Variants in F5 observed in about 807,000 individuals in gnomAD.
F5 encodes the protein activated protein c cofactor.
In F5, 138 loss-of-function variants were observed where a neutral mutation model predicts 216.4. The ratio of observed to expected loss-of-function variants is 0.64; its 90% CI spans 0.56 to 0.73. F5 has a LOEUF of 0.73. F5 is among the 30% of genes least tolerant of loss of function. The probability of loss-of-function intolerance (pLI) is 0.00; values close to 1 mark genes in which losing one functional copy is unlikely to be tolerated. For synonymous variants in F5, 916 were observed against 930.7 expected, an observed-to-expected ratio of 0.98 and a Z score of 0.29; for missense variants, 2,403 against 2,674.0, an observed-to-expected ratio of 0.90 and a Z score of 2.24.
chr1:169,532,346 A>G (rs555268424), intron 14 of F5, among the ~76,000 whole-genome samples: 1 of 152,292 alleles, frequency 6.6e-6, no homozygotes, highest in African/African-American at 2.4e-5. Flanking sequence ...AATTCTAGTC[A>G]CAGCAATCAA....
intron 21 of F5, 37 bp downstream of exon 21, chr1:169,523,160 A>G: frequency 1.9e-6 from 3 of 1,610,580 alleles, no homozygotes; most frequent in Non-Finnish European, 2.5e-6. Context: ...GGCCAAGTCT[A>G]GAGTCTAGAG....
chr1:169,530,732 A>T, intron 15 of F5, 54 bp downstream of exon 15: 1 of 1,464,576 alleles, frequency 6.8e-7, no homozygotes, highest in Admixed American at 1.7e-5. Context: ...CATTTGGTGG[A>T]CTTCAGATTA....
rs1183544316 is a variant in F5 at position 169,573,033 on chromosome 1, C to T, written c.251-690G>A. 1.5e-4 allele frequency among the ~76,000 whole-genome samples: 23 copies of T among 152,076 alleles called. No homozygotes were observed. The East Asian group carries it at 3.3e-3, about 22-fold the overall frequency. ...CAATCTCAGGACCCACTGCAACCTCCGCCTCCTGGGTTCAAGCAATTCTCC... is the reference window on the plus strand; with the variant it reads ...CAATCTCAGGACCCACTGCAACCTCTGCCTCCTGGGTTCAAGCAATTCTCC... On this transcript the variant is annotated intron_variant, in intron 2 of 24. Transcript: ENST00000367797.
chr1:169,534,162 A>G (rs1380621148), intron 14 of F5, among the ~76,000 whole-genome samples: 1 of 152,062 alleles, frequency 6.6e-6, no homozygotes, highest in Admixed American at 6.6e-5. Context: ...CGACCCACTC[A>G]CGTGGACCCT....
intron 14 of F5, among the ~76,000 whole-genome samples, chr1:169,534,412 A>C (rs12042044): frequency 0.085 from 12,956 of 152,246 alleles, 1,655 homozygotes; most frequent in East Asian, 0.63. Flanking sequence ...TCATGCCTGT[A>C]ATCCCAGCAC....
chr1:169,544,879 G>C (rs1383022315), intron 11 of F5, among the ~76,000 whole-genome samples: 1 of 152,150 alleles, frequency 6.6e-6, no homozygotes, highest in South Asian at 2.1e-4. Context: ...TGATATATTA[G>C]TCATTGGGTA....
chr1:169,519,455 A>G (rs1334453176), intron 22 of F5, among the ~76,000 whole-genome samples: 1 of 152,186 alleles, frequency 6.6e-6, no homozygotes, highest in African/African-American at 2.4e-5. Context: ...TGACTTATGG[A>G]ACTGTTTCAA....
At chr1:169,549,307 A>G (rs962805062) in intron 10 of F5, among the ~76,000 whole-genome samples, 3 of 152,224 alleles carry the variant, frequency 2.0e-5, no homozygotes, top group Non-Finnish European at 4.4e-5. Flanking sequence ...ATCTGGGTCC[A>G]ATTTCACTAG....
At chr1:169,526,135 C>A in intron 17 of F5, 118 bp from the exon 18 acceptor site, 1 of 726,028 alleles carries the variant, frequency 1.4e-6, no homozygotes, top group Non-Finnish European at 2.4e-6. Context: ...TAGAATTTAA[C>A]CATTTTTCTT....
rs74425543 is a variant in F5 at position 169,545,775 on chromosome 1, C to T, written c.1762+667G>A. On this transcript the variant is annotated intron_variant, in intron 11 of 24. Coordinates refer to ENST00000367797, the MANE Select transcript of F5 (RefSeq NM_000130.5). ...CTACTAGAGAAGGTGATTACCATGA[C>T]TCTAGACTCTGAGGATCAGTAGGGG... is the stretch of plus-strand genomic sequence containing the variant. 6.4e-3 allele frequency among the ~76,000 whole-genome samples: 968 copies of T among 152,334 alleles called. 14 individuals carry two copies. The highest frequency in any genetic ancestry group is 0.023 in the African/African-American group (938 of 41,582).
chr1:169,573,548 A>C (rs1453989027), intron 2 of F5, among the ~76,000 whole-genome samples: 1 of 152,202 alleles, frequency 6.6e-6, no homozygotes, highest in African/African-American at 2.4e-5. Flanking sequence ...TGAGAGACAG[A>C]AGTCAAGGAT....
Position 169,529,008 on chromosome 1 carries a change from C to T in F5, c.5419+600G>A, listed in dbSNP as rs1003046049. Reference sequence around the variant, plus strand: ...ACCTTTCTCTTCTCAGTTTCTGTTTCAGTTACTAGCTTACAGGGCAAATTT... The same window carrying T: ...ACCTTTCTCTTCTCAGTTTCTGTTTTAGTTACTAGCTTACAGGGCAAATTT... On this transcript the variant is annotated intron_variant, in intron 16 of 24. Coordinates refer to ENST00000367797, the MANE Select transcript of F5 (RefSeq NM_000130.5). 4.2e-4 allele frequency among the ~76,000 whole-genome samples: 64 copies of T among 152,156 alleles called. 2 individuals are homozygous for T. The highest frequency in any genetic ancestry group is 2.1e-4 in the South Asian group (1 of 4,830).
chr1:169,562,780 T>C (rs1048822379), intron 3 of F5, among the ~76,000 whole-genome samples: 5 of 152,100 alleles, frequency 3.3e-5, no homozygotes, highest in African/African-American at 1.2e-4. Context: ...TTGTCATACA[T>C]TTTATTTATA....
rs1230842743 is a variant in F5, at chr1:169,549,886, A to G, written c.1526T>C (p.Val509Ala). ...AGAGGCGATGTCTCTCATGATGTCC[A>G]CGTCACTGTAGTATGGTCTTGTTAA... Reference protein sequence around the residue: ...QCLTRPYYSDVDIMRDIASGL... With the variant: ...QCLTRPYYSDADIMRDIASGL... Residue 509 changes from valine to alanine, a missense_variant, in exon 10 of 25, where the codon GTG becomes GCG. Coordinates refer to ENST00000367797, the MANE Select transcript of F5 (RefSeq NM_000130.5). 7 of 1,614,126 alleles carry G rather than the reference A, an allele frequency of 4.3e-6. No homozygotes were observed. In the South Asian group the frequency reaches 4.4e-5, roughly 10 times the overall value.
intron 1 of F5, among the ~76,000 whole-genome samples, chr1:169,585,201 T>G (rs1661076309): frequency 6.6e-6 from 1 of 152,188 alleles, no homozygotes; most frequent in African/African-American, 2.4e-5. Context: ...AGGAGGGATC[T>G]CTTCTTATTA....
intron 19 of F5, among the ~76,000 whole-genome samples, chr1:169,524,556 C>A (rs113568770): frequency 2.0e-5 from 3 of 152,110 alleles, no homozygotes; most frequent in South Asian, 2.1e-4. Flanking sequence ...AATCAATGAC[C>A]CCCAGCTATC....
In F5 at chr1:169,520,534, C is replaced by T. The variant is rs1384690038; in HGVS notation, c.6179G>A (p.Gly2060Asp). The change falls in exon 22 of 25, where the codon GGT (glycine) becomes GAT (aspartate). Residue 2060 changes from glycine (G) to aspartate (D), a missense_variant. Coordinates refer to ENST00000367797, the MANE Select transcript of F5 (RefSeq NM_000130.5). ...NRPTLRLELQGCEVNGCSTPL... is the reference protein window; with the variant it reads ...NRPTLRLELQDCEVNGCSTPL... ...TTGTACCTTACCATTTACCTCACAA[C>T]CTTGCAGTTCCAATCGAAGGGTAGG... 3 of 1,613,866 alleles carry T rather than the reference C, an allele frequency of 1.9e-6. No homozygotes were observed. The highest frequency in any genetic ancestry group is 2.5e-6 in the Non-Finnish European group (3 of 1,179,922).
Position 169,523,841 on chromosome 1 carries a change from T to C in F5, c.5852A>G (p.Glu1951Gly). The C allele has an allele frequency of 1.2e-6, 2 of 1,613,982 alleles. No individual in the cohort carries two copies. Among genetic ancestry groups the C allele is most frequent in the Non-Finnish European group, 1.7e-6 (2 of 1,179,960 alleles). ...NGGSYNAWSV[E>G]KLAAEFASKP... ...AGAGGCAAATTCTGCTGCAAGTTTT[T>C]CTACACTCCAAGCATTATAAGATCC... is the stretch of plus-strand genomic sequence containing the variant. The change falls in exon 20 of 25, where the codon GAA (glutamate) becomes GGA (glycine). Residue 1951 changes from glutamate to glycine, a missense_variant. Around this residue, in one of 4 missense-constraint regions of F5, gnomAD observed 659 missense variants for 787.9 expected, o/e 0.84. Transcript: ENST00000367797.
chr1:169,560,815 C>A (rs758071946), intron 3 of F5, 49 bp from the exon 4 acceptor site: 10 of 1,555,140 alleles, frequency 6.4e-6, no homozygotes, highest in Admixed American at 1.7e-5. Flanking sequence ...CTGAGGATTG[C>A]GTTTTCACCA....
Sources: gnomAD v4.1 joint callset for allele counts (sites outside exome capture counted in the v4.1 genomes callset) on GRCh38, gnomAD v4.1.1 for gene constraint, gnomAD v4.1.1 regional missense constraint, MANE v1.5 for transcripts, NCBI Gene and HGNC (gene_info 2026-07-23, HGNC 2026-07-21) for gene names.